TYW1: variants seen among roughly 807,000 people sequenced by gnomAD.
TYW1 encodes the protein S-adenosyl-L-methionine-dependent tRNA 4-demethylwyosine synthase TYW1.
In TYW1, 46 loss-of-function variants were observed where a neutral mutation model predicts 96.2. The observed-to-expected ratio is 0.48, with a 90% CI of 0.38 to 0.61. TYW1 has a LOEUF of 0.61. Among genes scored for constraint, TYW1 ranks in the 20% least tolerant of loss-of-function variants. TYW1 has a pLI of 0.00. For synonymous variants in TYW1, 274 were observed against 323.0 expected (o/e 0.85, Z 1.63); for missense variants, 684 against 909.6 (o/e 0.75, Z 3.19).
intron 10 of TYW1, among the ~76,000 whole-genome samples, chr7:67,068,024 C>CT (rs562212918): frequency 0.11 from 15,373 of 140,846 alleles, 869 homozygotes; most frequent in Middle Eastern, 0.14. Context: ...TTTTTCTTTT[C>CT]TTTTTTTTTT....
intron 15 of TYW1, among the ~76,000 whole-genome samples, chr7:67,223,013 ATTTCTTTTTGG>A (rs1258458604): frequency 4.6e-5 from 7 of 151,460 alleles, no homozygotes; most frequent in African/African-American, 1.7e-4. Flanking sequence ...TAGTTCCAGA[ATTTCTTTTTGG>A]TTTCTTTTTA....
chr7:67,040,682 G>A (rs930160521), intron 7 of TYW1, among the ~76,000 whole-genome samples: 2 of 151,694 alleles, frequency 1.3e-5, no homozygotes, highest in Admixed American at 6.6e-5. Context: ...CTATCTCTAC[G>A]AAAAATACAA....
intron 12 of TYW1, among the ~76,000 whole-genome samples, chr7:67,113,482 G>A (rs999721807): frequency 6.6e-6 from 1 of 152,118 alleles, no homozygotes; most frequent in African/African-American, 2.4e-5. Context: ...ATGGAATACC[G>A]TTTGTTACAT....
intron 13 of TYW1, among the ~76,000 whole-genome samples, chr7:67,156,449 G>T (rs1798979518): frequency 6.6e-6 from 1 of 152,238 alleles, no homozygotes; most frequent in South Asian, 2.1e-4. Flanking sequence ...CAGGTACATT[G>T]GCAGCCCTGC....
intron 13 of TYW1, among the ~76,000 whole-genome samples, chr7:67,145,878 C>A (rs1172531667): frequency 6.6e-6 from 1 of 152,098 alleles, no homozygotes; most frequent in Non-Finnish European, 1.5e-5. Flanking sequence ...CCTCAACCTC[C>A]CAAATAGCTG....
chr7:67,177,459 G>A (rs1421075366), intron 13 of TYW1, among the ~76,000 whole-genome samples: 4 of 151,970 alleles, frequency 2.6e-5, no homozygotes, highest in East Asian at 3.8e-4. Context: ...TTTCTAATAC[G>A]TTTATAACAG....
At chr7:67,093,295 T>C (rs1358080383) in intron 11 of TYW1, among the ~76,000 whole-genome samples, 1 of 152,250 alleles carries the variant, frequency 6.6e-6, no homozygotes, top group Non-Finnish European at 1.5e-5. Context: ...TTATTTCATT[T>C]AATTGTTATA....
At chr7:67,166,332 A>ATATATATAATATATATTATATATATT (rs1491143794) in intron 13 of TYW1, among the ~76,000 whole-genome samples, 18 of 109,366 alleles carry the variant, frequency 1.6e-4, no homozygotes, top group South Asian at 6.2e-4. Context: ...TAACATATAT[A>ATATATATAATATATATTATATATATT]ATATATATAA....
intron 13 of TYW1, among the ~76,000 whole-genome samples, chr7:67,146,886 G>A (rs1798624511): frequency 6.9e-6 from 1 of 145,238 alleles, no homozygotes. Context: ...ATTCTGCAGT[G>A]TACTTCATGG....
At chr7:67,032,325 A>G (rs1417098204) in intron 7 of TYW1, among the ~76,000 whole-genome samples, 1 of 152,068 alleles carries the variant, frequency 6.6e-6, no homozygotes, top group Non-Finnish European at 1.5e-5. Context: ...GGACAGATAA[A>G]CAGAAGTAGG....
chr7:67,211,657 A>C (rs1801029593), intron 15 of TYW1, among the ~76,000 whole-genome samples: 1 of 152,182 alleles, frequency 6.6e-6, no homozygotes, highest in Non-Finnish European at 1.5e-5. Context: ...GGGTCATTCT[A>C]GCCTCCTCCC....
At chr7:67,224,854 C>G (rs183176373) in intron 15 of TYW1, among the ~76,000 whole-genome samples, 4 of 151,242 alleles carry the variant, frequency 2.6e-5, no homozygotes, top group Admixed American at 1.3e-4. Context: ...ATCATAGATA[C>G]TATTTTTTCT....
At chr7:67,143,054 CA>C (rs35144189) in intron 13 of TYW1, among the ~76,000 whole-genome samples, 228 of 136,146 alleles carry the variant, frequency 1.7e-3, no homozygotes, top group East Asian at 2.0e-3. Flanking sequence ...AACTCCATCT[CA>C]AAAAAAAAAA....
chr7:67,194,207 T>G (rs1291093154), intron 14 of TYW1, among the ~76,000 whole-genome samples: 2 of 152,186 alleles, frequency 1.3e-5, no homozygotes, highest in Non-Finnish European at 2.9e-5. Flanking sequence ...TCTGTGTTGG[T>G]GAAATACATG....
At chr7:67,044,298 A>G (rs1224917728) in intron 7 of TYW1, among the ~76,000 whole-genome samples, 2 of 151,962 alleles carry the variant, frequency 1.3e-5, no homozygotes, top group Non-Finnish European at 2.9e-5. Context: ...GGGTTTCATC[A>G]TGTTGGCCAG....
intron 15 of TYW1, among the ~76,000 whole-genome samples, chr7:67,207,420 C>G (rs1367597558): frequency 3.9e-5 from 6 of 152,162 alleles, no homozygotes. Context: ...ATTTACCAGG[C>G]TGAGTTTGCT....
intron 13 of TYW1, among the ~76,000 whole-genome samples, chr7:67,120,802 T>C (rs1199926336): frequency 6.6e-6 from 1 of 152,216 alleles, no homozygotes; most frequent in African/African-American, 2.4e-5. Context: ...TCACTAGCCT[T>C]TGGGTGATGA....
chr7:67,174,576 G>A (rs1261599306), intron 13 of TYW1, among the ~76,000 whole-genome samples: 1 of 145,702 alleles, frequency 6.9e-6, no homozygotes, highest in Non-Finnish European at 1.5e-5. Flanking sequence ...CATATATTGA[G>A]AAGTTAATTG....
intron 12 of TYW1, among the ~76,000 whole-genome samples, chr7:67,100,131 A>G (rs1797042752): frequency 6.6e-6 from 1 of 152,116 alleles, no homozygotes; most frequent in Non-Finnish European, 1.5e-5. Flanking sequence ...GATTGCTAGG[A>G]TTATGGGGCC....
Sources: gnomAD v4.1 joint callset for allele counts (sites outside exome capture counted in the v4.1 genomes callset) on GRCh38, gnomAD v4.1.1 for gene constraint, MANE v1.5 for transcripts, NCBI Gene and HGNC (gene_info 2026-07-23, HGNC 2026-07-21) for gene names.